The following SCLT1 variants were observed in gnomAD, a reference collection of about 807,000 sequenced individuals.
SCLT1 encodes the protein sodium channel-associated protein 1.
Under a neutral mutation model 112.8 loss-of-function variants are expected in SCLT1, and 78 were observed. That is an observed-to-expected ratio of 0.69 (90% CI 0.58 to 0.83). The LOEUF (loss-of-function observed/expected upper bound fraction) is 0.83, where lower values mean the gene tolerates loss of function less well. SCLT1 is among the 40% of genes least tolerant of loss of function. The pLI, the probability that SCLT1 is intolerant of heterozygous loss-of-function variation, is 0.00. For missense variants in SCLT1, 747 were observed against 770.4 expected (o/e 0.97, Z 0.36); for synonymous variants, 257 against 254.7 (o/e 1.01, Z -0.09).
chr4:129,068,153 T>G (rs1287289356), intron 2 of SCLT1, among the ~76,000 whole-genome samples: 1 of 152,340 alleles, frequency 6.6e-6, no homozygotes, highest in East Asian at 1.9e-4. Flanking sequence ...TCCAGGTTGC[T>G]GCAAATGCCA....
chr4:128,883,157 C>CA (rs34993678), downstream of SCLT1, among the ~76,000 whole-genome samples: 13,354 of 58,482 alleles, frequency 0.23, 871 homozygotes, highest in Middle Eastern at 0.35. Flanking sequence ...ACAACAACAA[C>CA]AAAAAAAAAA....
chr4:128,957,071 T>C lies in SCLT1; in HGVS notation c.1101A>G (p.Thr367=). The C allele has an allele frequency of 6.2e-7, 1 of 1,602,866 alleles. No individual in the cohort carries two copies. The highest frequency in any genetic ancestry group is 1.1e-5 in the South Asian group (1 of 89,264). The change falls in exon 13 of 21, where the codon ACA becomes ACG. Residue 367 remains threonine, a synonymous_variant. Transcript: ENST00000281142. ...TAGCATCTTGTACAAACCGAGAAACTGTCTCTTTCATTTTCTCTATGTCTT... is the reference window on the plus strand; with the variant it reads ...TAGCATCTTGTACAAACCGAGAAACCGTCTCTTTCATTTTCTCTATGTCTT... ...KEEDIEKMKE[T]VSRFVQDATI...
rs200433343 is a variant in SCLT1 at position 128,891,037 on chromosome 4, C to T, written c.1908+22G>A. 2.2e-4 allele frequency: 346 copies of T among 1,570,370 alleles called. 1 individual carries two copies. The highest frequency in any genetic ancestry group is 2.9e-4 in the Non-Finnish European group (329 of 1,140,714). On this transcript the variant is annotated intron_variant, in intron 19 of 20. Coordinates refer to ENST00000281142, the MANE Select transcript of SCLT1 (RefSeq NM_144643.4). The stretch of plus-strand genomic sequence containing the variant: ...TATCATGCTGCAGCAGAAAGCACTT[C>T]CCAGGGGAGTCATTATCTCACCTCA...
intron 18 of SCLT1, among the ~76,000 whole-genome samples, chr4:128,930,015 C>T (rs558615609): frequency 5.9e-5 from 9 of 152,188 alleles, no homozygotes; most frequent in Non-Finnish European, 1.0e-4. Flanking sequence ...TTTGGTCTTA[C>T]GGTGGTTATA....
chr4:129,025,473 A>G lies in SCLT1; in HGVS notation c.290+13568T>C, dbSNP rs561268503. ...TAAGCTTCATAAGTGAAGGAGAAATAAAATCCTTTACAGAAAAGCAAATGC... is the reference window on the plus strand; with the variant it reads ...TAAGCTTCATAAGTGAAGGAGAAATGAAATCCTTTACAGAAAAGCAAATGC... On this transcript the variant is annotated intron_variant, in intron 5 of 20. Coordinates refer to ENST00000281142, the MANE Select transcript of SCLT1 (RefSeq NM_144643.4). Among the ~76,000 whole-genome samples the G allele has an allele frequency of 5.0e-3, 756 of 152,304 alleles. 5 individuals carry two copies. The highest frequency in any genetic ancestry group is 0.017 in the African/African-American group (712 of 41,552).
At chr4:129,018,151 T>C (rs1286263522) in intron 5 of SCLT1, among the ~76,000 whole-genome samples, 4 of 152,242 alleles carry the variant, frequency 2.6e-5, no homozygotes, top group African/African-American at 4.8e-5. Context: ...AGCCACAAAA[T>C]AGATGCCTCA....
chr4:129,028,325 A>T (rs1440257517), intron 5 of SCLT1, among the ~76,000 whole-genome samples: 1 of 152,194 alleles, frequency 6.6e-6, no homozygotes, highest in South Asian at 2.1e-4. Flanking sequence ...GTACCAAAAC[A>T]GAGATATAGA....
intron 2 of SCLT1, among the ~76,000 whole-genome samples, chr4:129,070,866 G>C (rs561605987): frequency 6.6e-6 from 1 of 152,076 alleles, no homozygotes; most frequent in Non-Finnish European, 1.5e-5. Context: ...TGTGACCTTG[G>C]AATGTCAGTT....
intron 18 of SCLT1, among the ~76,000 whole-genome samples, chr4:128,906,413 T>A (rs542889683): frequency 1.0e-3 from 153 of 152,274 alleles, no homozygotes; most frequent in African/African-American, 3.3e-3. Flanking sequence ...TTAACCAGGA[T>A]GGTCTTGATC....
chr4:128,894,850 G>A (rs1408758469), intron 18 of SCLT1, among the ~76,000 whole-genome samples: 1 of 152,024 alleles, frequency 6.6e-6, no homozygotes, highest in South Asian at 2.1e-4. Context: ...ACTAATTTTT[G>A]TATTTTTAGT....
At chr4:128,999,451 GACA>G (rs1743270963) in intron 7 of SCLT1, among the ~76,000 whole-genome samples, 2 of 151,808 alleles carry the variant, frequency 1.3e-5, no homozygotes, top group African/African-American at 2.4e-5. Context: ...TTTCATTGCT[GACA>G]ACATTATAGA....
chr4:128,946,405 A>C (rs1480948484), intron 15 of SCLT1, among the ~76,000 whole-genome samples: 2 of 152,048 alleles, frequency 1.3e-5, no homozygotes, highest in African/African-American at 4.8e-5. Context: ...CCTGTCATCT[A>C]AAAAAAGTAT....
chr4:128,908,636 T>A (rs76936057), intron 18 of SCLT1, among the ~76,000 whole-genome samples: 1 of 152,198 alleles, frequency 6.6e-6, no homozygotes. Context: ...ATCTGGTTAA[T>A]AAAACCATAA....
intron 2 of SCLT1, among the ~76,000 whole-genome samples, chr4:129,072,324 T>C (rs570960385): frequency 1.3e-5 from 2 of 152,208 alleles, no homozygotes; most frequent in Non-Finnish European, 2.9e-5. Flanking sequence ...AGATGTTCTT[T>C]GTGCTTCTTG....
At chr4:128,911,239 C>T (rs938768954) in intron 18 of SCLT1, among the ~76,000 whole-genome samples, 48 of 152,204 alleles carry the variant, frequency 3.2e-4, no homozygotes, top group African/African-American at 1.1e-3. Flanking sequence ...GCACTCTAGC[C>T]TGGGCAATAA....
rs202091908 is a variant in SCLT1, at chr4:129,016,078, G to GT, written c.291-12203dup. ...CATTGTATTTTTTCAGTTCTAGAATGTTTTTTTTTAGAGTTTCTAGTTCTC... is the reference window on the plus strand; with the variant it reads ...CATTGTATTTTTTCAGTTCTAGAATGTTTTTTTTTTAGAGTTTCTAGTTCTC... On this transcript the variant is annotated intron_variant, in intron 5 of 20. Transcript: ENST00000281142. 3.5e-3 allele frequency among the ~76,000 whole-genome samples: 526 copies of GT among 150,192 alleles called. 2 individuals are homozygous for GT. Among genetic ancestry groups the GT allele is most frequent in the East Asian group, 0.014 (70 of 5,108 alleles).
intron 5 of SCLT1, among the ~76,000 whole-genome samples, chr4:129,019,214 T>C (rs1180175739): frequency 6.6e-6 from 1 of 152,210 alleles, no homozygotes; most frequent in Admixed American, 6.5e-5. Flanking sequence ...AGGCAGGGAC[T>C]GCAGTAATAA....
At chr4:128,933,500 T>G (rs189681966) in intron 18 of SCLT1, among the ~76,000 whole-genome samples, 15 of 152,248 alleles carry the variant, frequency 9.9e-5, no homozygotes, top group Non-Finnish European at 2.1e-4. Flanking sequence ...CCAGTAATCT[T>G]GATACCTTCT....
chr4:128,966,250 C>A (rs1194594610), intron 10 of SCLT1, among the ~76,000 whole-genome samples: 1 of 151,822 alleles, frequency 6.6e-6, no homozygotes, highest in East Asian at 1.9e-4. Context: ...TAGATGCACA[C>A]CACCATGCCC....
Sources: allele counts gnomAD v4.1 joint callset (sites outside exome capture counted in the v4.1 genomes callset), GRCh38; gene constraint gnomAD v4.1.1; transcripts MANE v1.5; gene names NCBI Gene and HGNC (gene_info 2026-07-23, HGNC 2026-07-21).